SLC39A12: variants seen among roughly 807,000 people sequenced by gnomAD.
The protein encoded by SLC39A12 is zinc transporter ZIP12.
Under a neutral mutation model 71.1 loss-of-function variants are expected in SLC39A12, and 63 were observed. That is an observed-to-expected ratio of 0.89 (90% CI 0.72 to 1.09). SLC39A12 has a LOEUF of 1.09. Ranked by LOEUF, SLC39A12 falls within the 50% of genes least tolerant of loss-of-function variation. SLC39A12 has a pLI of 0.00. For missense variants in SLC39A12, 892 were observed against 812.6 expected, an observed-to-expected ratio of 1.10 and a Z score of -1.19; for synonymous variants, 351 against 301.3, an observed-to-expected ratio of 1.16 and a Z score of -1.71.
chr10:18,041,128 T>A (rs147408416), intron 12 of SLC39A12, among the ~76,000 whole-genome samples: 4 of 152,314 alleles, frequency 2.6e-5, no homozygotes, highest in African/African-American at 9.6e-5. Flanking sequence ...GAGGTATGCT[T>A]GCTCTGACCT....
intron 12 of SLC39A12, among the ~76,000 whole-genome samples, chr10:18,004,606 A>G (rs1464754971): frequency 6.6e-6 from 1 of 152,222 alleles, no homozygotes; most frequent in Non-Finnish European, 1.5e-5. Flanking sequence ...AGATGCATGC[A>G]GATGAGGTAA....
intron 4 of SLC39A12, among the ~76,000 whole-genome samples, chr10:17,975,606 T>C (rs994258044): frequency 1.3e-5 from 2 of 151,608 alleles, no homozygotes; most frequent in African/African-American, 4.9e-5. Context: ...AGGGGTATCT[T>C]TTGGGTAATG....
At chr10:18,030,146 T>C (rs1219171036) in intron 12 of SLC39A12, among the ~76,000 whole-genome samples, 2 of 152,158 alleles carry the variant, frequency 1.3e-5, no homozygotes, top group South Asian at 2.1e-4. Context: ...AAAGTTCACA[T>C]AGGCCACCGA....
At chr10:17,975,230 C>A (rs1489834939) in intron 4 of SLC39A12, among the ~76,000 whole-genome samples, 1 of 152,080 alleles carries the variant, frequency 6.6e-6, no homozygotes, top group Non-Finnish European at 1.5e-5. Context: ...ATCTCAGGCC[C>A]CCCACCCCAA....
At chr10:17,993,488 A>G (rs1835606505) in intron 9 of SLC39A12, among the ~76,000 whole-genome samples, 197 bp downstream of exon 9, 1 of 152,236 alleles carries the variant, frequency 6.6e-6, no homozygotes, top group African/African-American at 2.4e-5. Context: ...GGCACCCTCC[A>G]CAGATTCACG....
chr10:17,988,197 ACTCG>A (rs1157498588), intron 7 of SLC39A12, among the ~76,000 whole-genome samples: 2 of 152,154 alleles, frequency 1.3e-5, no homozygotes, highest in African/African-American at 2.4e-5. Flanking sequence ...AATCCTAGCT[ACTCG>A]GGAGGCTGAG....
In SLC39A12 at chr10:17,999,323, G is replaced by A. The variant is rs1469986758; in HGVS notation, c.1601-1344G>A. 1.9e-3 allele frequency among the ~76,000 whole-genome samples: 248 copies of A among 132,250 alleles called. 1 individual carries two copies. Among genetic ancestry groups the A allele is most frequent in the Middle Eastern group, 8.8e-3 (2 of 226 alleles). 86.8% of individuals were successfully genotyped at this position (132,250 alleles called of 152,430 possible). On this transcript the variant is annotated intron_variant, in intron 10 of 12. Coordinates refer to ENST00000377369, the MANE Select transcript of SLC39A12 (RefSeq NM_001145195.2). Reference sequence around the variant, plus strand: ...AAAAAAAAAAAAAAAAAAAAAGGAAGCATTATGCATTCAGTTCTAACAGTA... The same window carrying A: ...AAAAAAAAAAAAAAAAAAAAAGGAAACATTATGCATTCAGTTCTAACAGTA...
In SLC39A12 at chr10:18,018,863, G is replaced by A. The variant is rs1259359138; in HGVS notation, c.1947+15505G>A. Among the ~76,000 whole-genome samples the A allele has an allele frequency of 2.0e-5, 3 of 152,078 alleles. No homozygotes were observed. In the East Asian group the frequency reaches 5.8e-4, roughly 29 times the overall value. The stretch of plus-strand genomic sequence containing the variant: ...TTCATTGGTGTTCTTTGTTTGTAAT[G>A]TCTTTGCCTGCTTTTGTTCTTAGGG... On this transcript the variant is annotated intron_variant, in intron 12 of 12. Transcript: ENST00000377369.
Position 17,953,405 on chromosome 10 carries a change from G to A in SLC39A12, c.129G>A (p.Pro43=), listed in dbSNP as rs781925015. 2.4e-5 allele frequency: 38 copies of A among 1,613,960 alleles called. No homozygotes were observed. The highest frequency in any genetic ancestry group is 3.3e-5 in the South Asian group (3 of 91,076). The change falls in exon 2 of 13, where the codon CCG becomes CCA. Residue 43 remains proline, a synonymous_variant. Coordinates refer to ENST00000377369, the MANE Select transcript of SLC39A12 (RefSeq NM_001145195.2). ...DSRSRGSSGQ[P]ADLLQVLSAG... is the part of the protein sequence containing the mutation. Reference sequence around the variant, plus strand: ...GAAGCCGTGGGAGTTCAGGCCAACCGGCAGACCTGCTACAGGTTCTCTCTG... The same window carrying A: ...GAAGCCGTGGGAGTTCAGGCCAACCAGCAGACCTGCTACAGGTTCTCTCTG...
chr10:18,039,322 G>A (rs1247690663), intron 12 of SLC39A12, among the ~76,000 whole-genome samples: 1 of 152,214 alleles, frequency 6.6e-6, no homozygotes, highest in Non-Finnish European at 1.5e-5. Flanking sequence ...TGGTATGATT[G>A]TGTCTCACAG....
chr10:18,005,008 A>C (rs1396313044), intron 12 of SLC39A12, among the ~76,000 whole-genome samples: 2 of 139,696 alleles, frequency 1.4e-5, no homozygotes, highest in Non-Finnish European at 3.0e-5. Context: ...CTCACTTATA[A>C]GTGGGAGCTG....
chr10:17,962,533 G>A (rs1018440679), intron 3 of SLC39A12, among the ~76,000 whole-genome samples: 1 of 149,628 alleles, frequency 6.7e-6, no homozygotes, highest in Admixed American at 6.6e-5. Flanking sequence ...TGAACATAAG[G>A]TTTCTTTAAG....
At position 18,041,739 on chromosome 10, in the gene SLC39A12, A is replaced by G. The variant is rs531746528; in HGVS notation, c.1948-966A>G. Among the ~76,000 whole-genome samples, 255 of 119,160 alleles carry G rather than the reference A, an allele frequency of 2.1e-3. 10 individuals carry two copies. Among genetic ancestry groups the G allele is most frequent in the Non-Finnish European group, 3.7e-3 (203 of 55,008 alleles). 78.2% of individuals were successfully genotyped at this position (119,160 alleles called of 152,430 possible). ...CATATGTATATATGTGTATATATGT[A>G]TATACATGTATATATGTGTATACAT... On this transcript the variant is annotated intron_variant, in intron 12 of 12. Transcript: ENST00000377369.
intron 2 of SLC39A12, among the ~76,000 whole-genome samples, chr10:17,960,610 C>G (rs1554848268): frequency 6.6e-6 from 1 of 152,134 alleles, no homozygotes; most frequent in Admixed American, 6.5e-5. Context: ...ACCACAGGTT[C>G]TCATAGAGAA....
chr10:17,958,292 A>G (rs1380307815), intron 2 of SLC39A12, among the ~76,000 whole-genome samples: 1 of 152,128 alleles, frequency 6.6e-6, no homozygotes, highest in African/African-American at 2.4e-5. Flanking sequence ...TCATGGCCCC[A>G]TGAGCGTCCT....
intron 4 of SLC39A12, among the ~76,000 whole-genome samples, chr10:17,967,161 G>A (rs1834847691): frequency 6.6e-6 from 1 of 152,058 alleles, no homozygotes; most frequent in Non-Finnish European, 1.5e-5. Context: ...AACAAAGGGG[G>A]TTGGTTTTCA....
intron 3 of SLC39A12, 49 bp downstream of exon 3, chr10:17,961,911 A>G (rs782183115): frequency 1.9e-6 from 3 of 1,539,038 alleles, no homozygotes; most frequent in South Asian, 2.5e-5. Context: ...ATACAGTTCT[A>G]GAGCCTTATT....
At position 17,953,285 on chromosome 10, in the gene SLC39A12, C is replaced by T; in HGVS notation, c.9C>T (p.Phe3=). ...GTGGAGGAAGCGTGGAAATGTGCTTCCGGACAAAGCTCTCAGTATCCTGGG... is the reference window on the plus strand; with the variant it reads ...GTGGAGGAAGCGTGGAAATGTGCTTTCGGACAAAGCTCTCAGTATCCTGGG... The part of the protein sequence containing the change: MC[F]RTKLSVSWVP... The change falls in exon 2 of 13, where the codon TTC becomes TTT. Residue 3 remains phenylalanine, a synonymous_variant. Coordinates refer to ENST00000377369, the MANE Select transcript of SLC39A12 (RefSeq NM_001145195.2). The T allele has an allele frequency of 6.2e-7, 1 of 1,613,932 alleles. No homozygotes were observed. The highest frequency in any genetic ancestry group is 1.3e-5 in the African/African-American group (1 of 75,016).
chr10:18,036,204 T>C (rs1185269931), intron 12 of SLC39A12, among the ~76,000 whole-genome samples: 2 of 152,232 alleles, frequency 1.3e-5, no homozygotes, highest in African/African-American at 4.8e-5. Flanking sequence ...CTGCTTTGTT[T>C]ACCTAAGCAA....
Sources: gnomAD v4.1 joint callset for allele counts (sites outside exome capture counted in the v4.1 genomes callset) on GRCh38, gnomAD v4.1.1 for gene constraint, MANE v1.5 for transcripts, NCBI Gene and HGNC (gene_info 2026-07-23, HGNC 2026-07-21) for gene names.